NRG2: variants seen among roughly 807,000 people sequenced by gnomAD.
The protein encoded by NRG2 is pro-neuregulin-2, membrane-bound isoform.
NRG2 carries 27 observed loss-of-function variants against 73.9 expected under a neutral mutation model. That is an observed-to-expected ratio of 0.37 (90% confidence interval 0.27 to 0.50). The LOEUF (loss-of-function observed/expected upper bound fraction) is 0.50. NRG2 is among the 20% of genes least tolerant of loss of function. NRG2 has a pLI of 0.96. For synonymous variants in NRG2, 532 were observed against 541.0 expected (o/e 0.98, Z 0.23); for missense variants, 1,126 against 1,210.1 (o/e 0.93, Z 1.03).
intron 3 of NRG2, among the ~76,000 whole-genome samples, chr5:139,873,207 A>C (rs536446805): frequency 6.6e-6 from 1 of 152,088 alleles, no homozygotes; most frequent in African/African-American, 2.4e-5. Flanking sequence ...TCCCCTCCAC[A>C]TCATGCCTGC....
chr5:139,908,189 C>A (rs1245518876), intron 1 of NRG2, among the ~76,000 whole-genome samples: 1 of 152,234 alleles, frequency 6.6e-6, no homozygotes, highest in Non-Finnish European at 1.5e-5. Flanking sequence ...CTTGGACTGC[C>A]AGCTGAGGCT....
intron 3 of NRG2, among the ~76,000 whole-genome samples, chr5:139,879,446 C>T (rs75590277): frequency 0.013 from 2,049 of 152,272 alleles, 51 homozygotes; most frequent in South Asian, 0.11. Context: ...CCACCCCACT[C>T]TCCGAACATG....
chr5:139,958,291 G>T (rs1476624122), intron 1 of NRG2, among the ~76,000 whole-genome samples: 1 of 152,072 alleles, frequency 6.6e-6, no homozygotes, highest in Non-Finnish European at 1.5e-5. Flanking sequence ...TGGGTTTCCT[G>T]GGAATGGGCT....
intron 1 of NRG2, among the ~76,000 whole-genome samples, chr5:139,952,509 T>C (rs903630997): frequency 6.6e-6 from 1 of 152,164 alleles, no homozygotes; most frequent in Non-Finnish European, 1.5e-5. Flanking sequence ...TAAGAGCAGC[T>C]GGCCCCTGGA....
At chr5:139,939,591 A>T (rs1185211197) in intron 1 of NRG2, among the ~76,000 whole-genome samples, 1 of 152,132 alleles carries the variant, frequency 6.6e-6, no homozygotes, top group Non-Finnish European at 1.5e-5. Context: ...CTTAAATAGG[A>T]GTCAAAATGT....
chr5:139,898,574 C>T (rs748535208), intron 1 of NRG2, among the ~76,000 whole-genome samples: 1 of 152,206 alleles, frequency 6.6e-6, no homozygotes, highest in East Asian at 1.9e-4. Flanking sequence ...CGAGCTATCC[C>T]GAGGCAAAGC....
chr5:139,865,369 G>GCAAAA lies in NRG2; in HGVS notation c.1189+175_1189+179dup, dbSNP rs374345890. On this transcript the variant is annotated intron_variant, in intron 5 of 9. Transcript: ENST00000361474. The surrounding 1 kb of genome is among the most constrained non-coding windows in gnomAD (Gnocchi z 5.2). ...GGATTAGGCCAAAAATGAAAACAAA[G>GCAAAA]CAAAACAAAACAAAACAAAAAGAAC... Among the ~76,000 whole-genome samples, 11 of 152,048 alleles carry GCAAAA rather than the reference G, an allele frequency of 7.2e-5. No individual in the cohort carries two copies. The highest frequency in any genetic ancestry group is 1.3e-4 in the Admixed American group (2 of 15,250).
At position 139,954,310 on chromosome 5, in the gene NRG2, C is replaced by T. The variant is rs1754454227; in HGVS notation, c.701-66799G>A. Among the ~76,000 whole-genome samples the T allele has an allele frequency of 1.3e-5, 2 of 152,214 alleles. No individual in the cohort carries two copies. The highest frequency in any genetic ancestry group is 1.3e-4 in the Admixed American group (2 of 15,292). The stretch of plus-strand genomic sequence containing the variant: ...GCCCCAGGAGACCTGCAGCGGCTGT[C>T]TAGCCCCAGGTCCCAAGGTCGCCCA... On this transcript the variant is annotated intron_variant, in intron 1 of 9. Coordinates refer to ENST00000361474, the MANE Select transcript of NRG2 (RefSeq NM_004883.3). This position sits in a 1 kb window ranked among gnomAD's most constrained non-coding sequence, Gnocchi z 5.0.
rs1343382184 is a variant in NRG2 at position 139,864,948 on chromosome 5, ACAG to A, written c.1189+598_1189+600del. 13 of 708,280 alleles carry A rather than the reference ACAG, an allele frequency of 1.8e-5. No homozygotes were observed. The Admixed American group carries it at 2.2e-4, about 12-fold the overall frequency. The allele number at this position is 708,280 out of a possible 1,614,324, so 43.9% of individuals were successfully genotyped here. A position where few individuals can be genotyped will look rare whatever the true frequency, so the allele number is the denominator to read the frequency against. On this transcript the variant is annotated intron_variant, in intron 5 of 9. Transcript: ENST00000361474. ...CTTGGCATTACTGTGCCCAGGAGGT[ACAG>A]CCCACATGTGGAGGTGGGGGTGCCG...
intron 1 of NRG2, among the ~76,000 whole-genome samples, chr5:140,026,671 T>C (rs936217255): frequency 1.1e-4 from 16 of 152,082 alleles, no homozygotes; most frequent in African/African-American, 3.1e-4. Context: ...AACTAGAGCA[T>C]CATGAATGAA....
intron 1 of NRG2, among the ~76,000 whole-genome samples, chr5:139,980,339 A>T (rs1756699114): frequency 7.1e-6 from 1 of 141,596 alleles, no homozygotes. Flanking sequence ...CAGGATGTTC[A>T]CAGCATCACC....
At chr5:139,998,397 C>T (rs1007878476) in intron 1 of NRG2, among the ~76,000 whole-genome samples, 11 of 152,150 alleles carry the variant, frequency 7.2e-5, no homozygotes, top group Admixed American at 6.5e-5. Flanking sequence ...CCTGGAGGGC[C>T]GGCCACGTGA....
At chr5:139,986,300 CT>C (rs902853605) in intron 1 of NRG2, among the ~76,000 whole-genome samples, 51 of 152,320 alleles carry the variant, frequency 3.3e-4, no homozygotes, top group African/African-American at 1.2e-3. Context: ...GGCGTGGCCC[CT>C]GGGATATCCT....
intron 1 of NRG2, among the ~76,000 whole-genome samples, chr5:139,965,875 AG>A (rs1328955732): frequency 6.6e-6 from 1 of 152,128 alleles, no homozygotes; most frequent in Non-Finnish European, 1.5e-5. Flanking sequence ...TGTGCTAGCC[AG>A]GGGGAGAGGG....
intron 1 of NRG2, among the ~76,000 whole-genome samples, chr5:140,022,230 A>G (rs1334999991): frequency 6.6e-6 from 1 of 152,162 alleles, no homozygotes; most frequent in Non-Finnish European, 1.5e-5. Context: ...ACCAAGAATG[A>G]CCTGCCCCTA....
intron 2 of NRG2, 50 bp from the exon 3 acceptor site, chr5:139,881,024 G>A: frequency 6.6e-7 from 1 of 1,507,288 alleles, no homozygotes; most frequent in South Asian, 1.1e-5. Context: ...AGGGCCGGCT[G>A]TGGCTCCCCA....
chr5:139,853,211 C>T lies in NRG2; in HGVS notation c.1293-184G>A, dbSNP rs1049469249. 3.9e-5 allele frequency among the ~76,000 whole-genome samples: 6 copies of T among 152,308 alleles called. No individual in the cohort carries two copies. The highest frequency in any genetic ancestry group is 2.1e-4 in the South Asian group (1 of 4,824). On this transcript the variant is annotated intron_variant, in intron 6 of 9. Transcript: ENST00000361474. This position sits in a 1 kb window ranked among gnomAD's most constrained non-coding sequence, Gnocchi z 4.1. ...CCTGAATCCAATAGGACCTGAGCGTCGTGGCAGTGAGCTCTGGCTCTGCCC... is the reference window on the plus strand; with the variant it reads ...CCTGAATCCAATAGGACCTGAGCGTTGTGGCAGTGAGCTCTGGCTCTGCCC...
At chr5:139,975,361 A>G (rs1046867653) in intron 1 of NRG2, among the ~76,000 whole-genome samples, 18 of 152,200 alleles carry the variant, frequency 1.2e-4, no homozygotes, top group Admixed American at 1.2e-3. Flanking sequence ...GCCTCCTGCT[A>G]CAGGAACCGG....
Position 139,869,962 on chromosome 5 carries a change from G to A in NRG2, c.1112+1759C>T, listed in dbSNP as rs139419377. ...TGAGGGGCCAGAACCTTCCCTGCCCGGACGAGGGCTGACTTCAGTGACAGT... is the reference window on the plus strand; with the variant it reads ...TGAGGGGCCAGAACCTTCCCTGCCCAGACGAGGGCTGACTTCAGTGACAGT... On this transcript the variant is annotated intron_variant, in intron 4 of 9. Coordinates refer to ENST00000361474, the MANE Select transcript of NRG2 (RefSeq NM_004883.3). This position sits in a 1 kb window ranked among gnomAD's most constrained non-coding sequence, Gnocchi z 4.5. Among the ~76,000 whole-genome samples, 314 of 152,292 alleles carry A rather than the reference G, an allele frequency of 2.1e-3. 2 individuals are homozygous for A. The highest frequency in any genetic ancestry group is 7.4e-3 in the African/African-American group (306 of 41,542).
Sources: gnomAD v4.1 joint callset for allele counts (sites outside exome capture counted in the v4.1 genomes callset) on GRCh38, gnomAD v4.1.1 for gene constraint, Gnocchi (gnomAD v3.1) non-coding constraint, MANE v1.5 for transcripts, NCBI Gene and HGNC (gene_info 2026-07-23, HGNC 2026-07-21) for gene names.